Variants in SPTBN4 observed in about 807,000 individuals in gnomAD.
The protein encoded by SPTBN4 is spectrin beta, non-erythrocytic 4, also known as spectrin beta chain, non-erythrocytic 4.
SPTBN4 carries 96 observed loss-of-function variants against 277.8 expected under a neutral mutation model. That is an observed-to-expected ratio of 0.35 (90% CI 0.29 to 0.41). The LOEUF (loss-of-function observed/expected upper bound fraction) is 0.41, where lower values mean the gene tolerates loss of function less well. Ranked by LOEUF, SPTBN4 falls within the 10% of genes least tolerant of loss-of-function variation. SPTBN4 has a pLI of 1.00. For synonymous variants in SPTBN4, 1,481 were observed against 1,580.3 expected (o/e 0.94, Z 1.49); for missense variants, 3,006 against 3,595.7 (o/e 0.84, Z 4.19).
At chr19:40,503,379 C>T (rs1461347038) in intron 11 of SPTBN4, among the ~76,000 whole-genome samples, 1 of 151,262 alleles carries the variant, frequency 6.6e-6, no homozygotes, top group Non-Finnish European at 1.5e-5. Flanking sequence ...GAGGGTGGGA[C>T]TTGTTTCCAG....
chr19:40,492,231 G>A (rs1226087882), intron 4 of SPTBN4, among the ~76,000 whole-genome samples: 4 of 151,906 alleles, frequency 2.6e-5, no homozygotes, highest in African/African-American at 9.7e-5. Context: ...AGGGTGTCCA[G>A]GGGAAGACTC....
intron 2 of SPTBN4, among the ~76,000 whole-genome samples, chr19:40,487,041 T>TGAGGCTGGA (rs1228381190): frequency 0.016 from 2,447 of 149,382 alleles, 73 homozygotes; most frequent in African/African-American, 0.059. Flanking sequence ...GGCTGGACTC[T>TGAGGCTGGA]CTTTTTTTTT....
intron 17 of SPTBN4, among the ~76,000 whole-genome samples, chr19:40,525,683 G>A (rs1048060028): frequency 6.6e-6 from 1 of 152,202 alleles, no homozygotes; most frequent in Non-Finnish European, 1.5e-5. Flanking sequence ...TGTACGGAGT[G>A]GGGGTGTGTT....
chr19:40,574,741 A>G (rs1223334849), intron 35 of SPTBN4, among the ~76,000 whole-genome samples: 4 of 151,942 alleles, frequency 2.6e-5, no homozygotes, highest in Non-Finnish European at 4.4e-5. Flanking sequence ...TTGGCCTGGC[A>G]TGGTGCCTCA....
chr19:40,545,015 T>G (rs1410603517), intron 20 of SPTBN4, among the ~76,000 whole-genome samples: 1 of 151,924 alleles, frequency 6.6e-6, no homozygotes, highest in Non-Finnish European at 1.5e-5. Context: ...TTTCCCATTA[T>G]AAACTCTGCT....
At chr19:40,548,702 G>A (rs2080883845) in intron 20 of SPTBN4, among the ~76,000 whole-genome samples, 1 of 150,560 alleles carries the variant, frequency 6.6e-6, no homozygotes, top group Non-Finnish European at 1.5e-5. Context: ...GCAACAGAGC[G>A]AGACTCCATC....
rs531321086 is a variant in SPTBN4, at chr19:40,473,058, A to T, written c.169+268A>T. ...TTTAATTAAATTTATTTATATATATATTTTTTGAGACAGAGTCTTATTCTG... is the reference window on the plus strand; with the variant it reads ...TTTAATTAAATTTATTTATATATATTTTTTTTGAGACAGAGTCTTATTCTG... On this transcript the variant is annotated intron_variant, in intron 2 of 35. Coordinates refer to ENST00000598249, the MANE Select transcript of SPTBN4 (RefSeq NM_020971.3). Among the ~76,000 whole-genome samples, 508 of 151,914 alleles carry T rather than the reference A, an allele frequency of 3.3e-3. 5 individuals carry two copies. Among genetic ancestry groups the T allele is most frequent in the African/African-American group, 8.8e-3 (364 of 41,478 alleles).
chr19:40,557,720 C>T (rs1368030375), intron 26 of SPTBN4, among the ~76,000 whole-genome samples: 1 of 152,016 alleles, frequency 6.6e-6, no homozygotes, highest in East Asian at 1.9e-4. Context: ...GAGTTTAAGA[C>T]CAGCCTGGTC....
chr19:40,513,895 C>A (rs983771269), intron 14 of SPTBN4, among the ~76,000 whole-genome samples: 1 of 152,090 alleles, frequency 6.6e-6, no homozygotes, highest in East Asian at 1.9e-4. Context: ...AGCATGAAAT[C>A]AACGACCTAT....
At chr19:40,476,344 T>C (rs2079947445) in intron 2 of SPTBN4, among the ~76,000 whole-genome samples, 1 of 84,068 alleles carries the variant, frequency 1.2e-5, no homozygotes, top group Admixed American at 1.3e-4. Flanking sequence ...AAACTCTGTC[T>C]CAAAAAAAAA....
Position 40,570,713 on chromosome 19 carries a change from G to A in SPTBN4, c.7304G>A (p.Arg2435His). The stretch of plus-strand genomic sequence containing the variant: ...CGCAAGCGCGAGCTCGACGCTAACC[G>A]CAAGTCGTCCAACCGGTGAGCGTGT... ...LLRKRELDAN[R>H]KSSNRSWVSL... Residue 2435 changes from arginine to histidine, a missense_variant, in exon 33 of 36, where the codon CGC becomes CAC. Arg to His is a conservative substitution (Grantham distance 29). Transcript: ENST00000598249. 1 of 1,607,960 alleles carries A rather than the reference G, an allele frequency of 6.2e-7. No homozygotes were observed. Among genetic ancestry groups the A allele is most frequent in the South Asian group, 1.1e-5 (1 of 90,550 alleles).
Position 40,490,308 on chromosome 19 carries a change from A to G in SPTBN4, c.495+60A>G. 1 of 1,540,588 alleles carries G rather than the reference A, an allele frequency of 6.5e-7. No homozygotes were observed. On this transcript the variant is annotated intron_variant, in intron 4 of 35. Transcript: ENST00000598249. The surrounding 1 kb of genome is among the most constrained non-coding windows in gnomAD (Gnocchi z 4.3). ...CATGGGACTTAGGAAAGCGTTCCCC[A>G]CCATTTACCCATTCATTCTTTCCTT...
In SPTBN4 at chr19:40,549,324, C is replaced by A; in HGVS notation, c.4495C>A (p.Arg1499Ser). 1 of 1,538,262 alleles carries A rather than the reference C, an allele frequency of 6.5e-7. No individual in the cohort carries two copies. The highest frequency in any genetic ancestry group is 1.2e-5 in the South Asian group (1 of 83,816). Residue 1499 changes from arginine to serine, a missense_variant, in exon 21 of 36, where the codon CGC becomes AGC. Coordinates refer to ENST00000598249, the MANE Select transcript of SPTBN4 (RefSeq NM_020971.3). The stretch of plus-strand genomic sequence containing the variant: ...GAACGCGGTGGGCGAGCGCCTGGTG[C>A]GCCTGCTCGAGCCGTTGCAGGAGCG... ...RQNAVGERLVRLLEPLQERRR... is the reference protein window; with the variant it reads ...RQNAVGERLVSLLEPLQERRR...
At chr19:40,568,564 C>A (rs907073159) in intron 31 of SPTBN4, among the ~76,000 whole-genome samples, 8 of 152,224 alleles carry the variant, frequency 5.3e-5, no homozygotes, top group Admixed American at 1.3e-4. Flanking sequence ...CATCAAGTCT[C>A]CCGGGTGCCC....
intron 33 of SPTBN4, 107 bp from the exon 34 acceptor site, chr19:40,571,912 G>A: frequency 1.5e-6 from 2 of 1,346,310 alleles, no homozygotes; most frequent in Non-Finnish European, 2.0e-6. Context: ...GGGCGCAAAG[G>A]TCCAGAGGTA....
At chr19:40,468,104 T>C (rs2079846920) in intron 1 of SPTBN4, among the ~76,000 whole-genome samples, 1 of 148,356 alleles carries the variant, frequency 6.7e-6, no homozygotes, top group Non-Finnish European at 1.5e-5. Context: ...TGAGACGGAG[T>C]TTCACTCTTG....
At chr19:40,548,201 A>G (rs2080878775) in intron 20 of SPTBN4, among the ~76,000 whole-genome samples, 1 of 152,158 alleles carries the variant, frequency 6.6e-6, no homozygotes, top group Non-Finnish European at 1.5e-5. Context: ...TATTTTTGAT[A>G]ATTTCTTACT....
At position 40,504,137 on chromosome 19, in the gene SPTBN4, CGGCGG is replaced by C; in HGVS notation, c.1665+8_1665+12del. ...GACTGGATGGAGGAGATGCAGGTGC[CGGCGG>C]GGGGGCGGGGATGCGGGTGGAGTGC... On this transcript the variant is annotated splice_donor_region_variant and intron_variant, in intron 12 of 35. Transcript: ENST00000598249. 18 of 585,300 alleles carry C rather than the reference CGGCGG, an allele frequency of 3.1e-5. No individual in the cohort carries two copies. In the African/African-American group the frequency reaches 5.6e-4, roughly 18 times the overall value. The allele number at this position is 585,300 out of a possible 1,614,324, so 36.3% of individuals were successfully genotyped here.
chr19:40,497,625 G>A, intron 7 of SPTBN4, 21 bp downstream of exon 7: 1 of 1,604,094 alleles, frequency 6.2e-7, no homozygotes, highest in Non-Finnish European at 8.5e-7. Context: ...CGCGGGCCCA[G>A]CCCAGACTTC....
Sources: gnomAD v4.1 joint callset for allele counts (sites outside exome capture counted in the v4.1 genomes callset) on GRCh38, gnomAD v4.1.1 for gene constraint, Gnocchi (gnomAD v3.1) non-coding constraint, MANE v1.5 for transcripts, NCBI Gene and HGNC (gene_info 2026-07-23, HGNC 2026-07-21) for gene names.